Variants in SYBU observed in about 807,000 individuals in gnomAD.
SYBU encodes the protein GOLSYN A protein.
SYBU carries 21 observed loss-of-function variants against 35.9 expected under a neutral mutation model. That is an observed-to-expected ratio of 0.58 (90% CI 0.41 to 0.84). The LOEUF (loss-of-function observed/expected upper bound fraction) is 0.84, where lower values mean the gene tolerates loss of function less well. Ranked by LOEUF, SYBU falls within the 40% of genes least tolerant of loss-of-function variation. The pLI, the probability that SYBU is intolerant of heterozygous loss-of-function variation, is 0.00. For missense variants in SYBU, 768 were observed against 848.2 expected (o/e 0.91, Z 1.17); for synonymous variants, 319 against 324.3 (o/e 0.98, Z 0.18).
intron 3 of SYBU, among the ~76,000 whole-genome samples, chr8:109,608,318 T>C (rs1282308751): frequency 6.6e-6 from 1 of 152,204 alleles, no homozygotes; most frequent in Admixed American, 6.5e-5. Flanking sequence ...ATAGAATCTT[T>C]CCACATTGAT....
At chr8:109,606,179 GT>G (rs1826048368) in intron 3 of SYBU, among the ~76,000 whole-genome samples, 1 of 152,262 alleles carries the variant, frequency 6.6e-6, no homozygotes, top group South Asian at 2.1e-4. Context: ...TAGATTCTTA[GT>G]AAGTACTTGA....
chr8:109,645,018 C>T, upstream of SYBU: 1 of 489,924 alleles, frequency 2.0e-6, no homozygotes, highest in South Asian at 1.8e-5. Context: ...GGTGTCCCTC[C>T]CTCTCCAAGG....
chr8:109,578,146 C>A, intron 5 of SYBU, 129 bp from the exon 6 acceptor site: 1 of 1,049,958 alleles, frequency 9.5e-7, no homozygotes. Flanking sequence ...CTTCTTACCC[C>A]AATATGACGG....
At chr8:109,623,027 G>C (rs545172599) in intron 2 of SYBU, among the ~76,000 whole-genome samples, 10 of 136,580 alleles carry the variant, frequency 7.3e-5, no homozygotes, top group Admixed American at 1.4e-4. Flanking sequence ...GAGCGTGCGC[G>C]CGCGCACACA....
In SYBU at chr8:109,671,182, T is replaced by C. The variant is rs73304512; in HGVS notation, c.-129+9529A>G. On this transcript the variant is annotated intron_variant, in intron 1 of 5. Transcript: ENST00000408889. ...AATTCAAATTTCCATGCAAAAAAAA[T>C]ATTTATGTCAAAATCATTAAATTCA... is the stretch of plus-strand genomic sequence containing the variant. Among the ~76,000 whole-genome samples, 812 of 152,264 alleles carry C rather than the reference T, an allele frequency of 5.3e-3. 6 individuals carry two copies. Among genetic ancestry groups the C allele is most frequent in the African/African-American group, 0.018 (768 of 41,550 alleles).
At chr8:109,683,805 G>A (rs1300050364), upstream of SYBU, among the ~76,000 whole-genome samples, 1 of 152,152 alleles carries the variant, frequency 6.6e-6, no homozygotes, top group East Asian at 1.9e-4. Context: ...AATCATGGGA[G>A]CAGTTACCTC....
intron 3 of SYBU, among the ~76,000 whole-genome samples, chr8:109,598,773 C>T (rs1012923785): frequency 2.0e-5 from 3 of 152,282 alleles, no homozygotes; most frequent in Admixed American, 6.5e-5. Flanking sequence ...TAGTTTCTCT[C>T]GGGAATAGTT....
intron 1 of SYBU, among the ~76,000 whole-genome samples, chr8:109,658,002 A>T (rs1218068222): frequency 2.6e-5 from 4 of 152,178 alleles, no homozygotes; most frequent in African/African-American, 9.7e-5. Flanking sequence ...AATTAGTCTG[A>T]TCCTACTGAA....
At chr8:109,667,969 C>A (rs1816817353) in intron 1 of SYBU, among the ~76,000 whole-genome samples, 1 of 152,060 alleles carries the variant, frequency 6.6e-6, no homozygotes, top group Non-Finnish European at 1.5e-5. Flanking sequence ...GCTTCCTGGG[C>A]AACTCTTAGT....
At chr8:109,615,308 T>C (rs576416360) in intron 3 of SYBU, among the ~76,000 whole-genome samples, 1 of 152,126 alleles carries the variant, frequency 6.6e-6, no homozygotes, top group African/African-American at 2.4e-5. Context: ...TGAGAGGAGA[T>C]GGTCGCTTGG....
chr8:109,622,566 C>T (rs1812549510), intron 2 of SYBU, among the ~76,000 whole-genome samples: 1 of 152,102 alleles, frequency 6.6e-6, no homozygotes, highest in Non-Finnish European at 1.5e-5. Context: ...ATAGTAAAGC[C>T]AAGCTGATGT....
At chr8:109,578,243 A>G (rs1822588785) in intron 5 of SYBU, among the ~76,000 whole-genome samples, 1 of 152,198 alleles carries the variant, frequency 6.6e-6, no homozygotes, top group African/African-American at 2.4e-5. Flanking sequence ...GGAACCCCAG[A>G]GAGCTTTCTA....
chr8:109,648,140 T>A (rs1186758876), upstream of SYBU: 1 of 151,628 alleles, frequency 6.6e-6, no homozygotes, highest in East Asian at 1.9e-4. Flanking sequence ...TTTATGGTCT[T>A]GTTTTATCAC....
intron 3 of SYBU, among the ~76,000 whole-genome samples, chr8:109,594,922 C>T (rs1824690731): frequency 6.6e-6 from 1 of 152,092 alleles, no homozygotes; most frequent in South Asian, 2.1e-4. Context: ...CAGTTGCTAG[C>T]TGTGTGACCT....
At chr8:109,614,971 C>T (rs1811578689) in intron 3 of SYBU, among the ~76,000 whole-genome samples, 1 of 152,186 alleles carries the variant, frequency 6.6e-6, no homozygotes, top group Admixed American at 6.5e-5. Flanking sequence ...GCTCGGCTCA[C>T]CTTTCCAAGC....
Position 109,578,015 on chromosome 8 carries a change from C to A in SYBU, c.737G>T (p.Arg246Leu), listed in dbSNP as rs575944059. Residue 246 changes from arginine to leucine, a missense_variant and splice_region_variant, in exon 6 of 7, where the codon CGT becomes CTT. Coordinates refer to ENST00000276646, the MANE Select transcript of SYBU (RefSeq NM_001099754.2). Reference sequence around the variant, plus strand: ...ACCGCAAGACATGTACCTTCCAGAACGCCTGAAACAATCCAAGTAATGAAA... The same window carrying A: ...ACCGCAAGACATGTACCTTCCAGAAAGCCTGAAACAATCCAAGTAATGAAA... ...KGSDCSPIMRRSGRYMSCGEN... is the reference protein window; with the variant it reads ...KGSDCSPIMRLSGRYMSCGEN... The A allele has an allele frequency of 6.2e-7, 1 of 1,602,686 alleles. No individual in the cohort carries two copies. Among genetic ancestry groups the A allele is most frequent in the South Asian group, 1.1e-5 (1 of 88,346 alleles).
intron 1 of SYBU, among the ~76,000 whole-genome samples, chr8:109,659,131 C>T (rs1160166641): frequency 6.6e-6 from 1 of 152,188 alleles, no homozygotes; most frequent in East Asian, 1.9e-4. Flanking sequence ...TTTCCAGTAA[C>T]GATGAAAAAG....
intron 3 of SYBU, among the ~76,000 whole-genome samples, chr8:109,587,556 G>T (rs1823762967): frequency 3.3e-5 from 5 of 152,114 alleles, no homozygotes; most frequent in Admixed American, 3.3e-4. Flanking sequence ...CTCCCTAAAA[G>T]GTCAACATGA....
intron 1 of SYBU, among the ~76,000 whole-genome samples, chr8:109,678,930 G>C (rs1338004739): frequency 1.3e-5 from 2 of 152,152 alleles, no homozygotes; most frequent in Non-Finnish European, 2.9e-5. Context: ...ATAAGGCTGA[G>C]ACCTATTGGG....
Sources: gnomAD v4.1 joint callset for allele counts (sites outside exome capture counted in the v4.1 genomes callset) on GRCh38, gnomAD v4.1.1 for gene constraint, MANE v1.5 for transcripts, NCBI Gene and HGNC (gene_info 2026-07-23, HGNC 2026-07-21) for gene names.